Variants in KCNK16 observed in about 807,000 individuals in gnomAD.
KCNK16 encodes the protein potassium channel subfamily K member 16.
KCNK16 carries 23 observed loss-of-function variants against 23.0 expected under a neutral mutation model. The ratio of observed to expected loss-of-function variants is 1.00; its 90% CI spans 0.72 to 1.41. The LOEUF (loss-of-function observed/expected upper bound fraction) is 1.41, where lower values mean the gene tolerates loss of function less well. Ranked by LOEUF, KCNK16 falls within the 40% of genes most tolerant of loss-of-function variation. The probability of loss-of-function intolerance (pLI) is 0.00; values close to 1 mark genes in which losing one functional copy is unlikely to be tolerated. For missense variants in KCNK16, 327 were observed against 365.8 expected (o/e 0.89, Z 0.87); for synonymous variants, 145 against 153.5 (o/e 0.94, Z 0.41).
At position 39,316,209 on chromosome 6, in the gene KCNK16, C is replaced by A. The variant is rs758986054; in HGVS notation, c.*10G>T. On this transcript the variant is annotated 3_prime_UTR_variant, in exon 5 of 5. Coordinates refer to ENST00000437525, the MANE Select transcript of KCNK16 (RefSeq NM_001135106.2). ...GGATGAAAGGGGTTTCTGGGCCCCCCCCGGGGGCCTCATGCAGAGATGGGG... is the reference window on the plus strand; with the variant it reads ...GGATGAAAGGGGTTTCTGGGCCCCCACCGGGGGCCTCATGCAGAGATGGGG... 2 of 1,513,122 alleles carry A rather than the reference C, an allele frequency of 1.3e-6. No individual in the cohort carries two copies. The highest frequency in any genetic ancestry group is 2.2e-5 in the Admixed American group (1 of 44,534). The allele number at this position is 1,513,122 out of a possible 1,614,324, so 93.7% of individuals were successfully genotyped here.
chr6:39,314,903 C>T (rs1362573783), downstream of KCNK16: 13 of 1,233,470 alleles, frequency 1.1e-5, no homozygotes, highest in African/African-American at 1.7e-4. Context: ...GGAGCCTTAA[C>T]CAAGAGGCTT....
At chr6:39,322,126 T>C (rs1762535243) in intron 1 of KCNK16, among the ~76,000 whole-genome samples, 1 of 152,228 alleles carries the variant, frequency 6.6e-6, no homozygotes, top group African/African-American at 2.4e-5. Context: ...TTAAGTGACC[T>C]GTTCAAGGTC....
At chr6:39,318,557 T>C (rs1330419835) in intron 2 of KCNK16, among the ~76,000 whole-genome samples, 1 of 152,172 alleles carries the variant, frequency 6.6e-6, no homozygotes, top group Non-Finnish European at 1.5e-5. Flanking sequence ...GAAGCTTTGG[T>C]GGACAGTTCC....
chr6:39,316,398 C>T lies in KCNK16; in HGVS notation c.706G>A (p.Ala236Thr), dbSNP rs372021859. 1.7e-4 allele frequency: 274 copies of T among 1,611,256 alleles called. No individual in the cohort carries two copies. The highest frequency in any genetic ancestry group is 2.8e-4 in the Admixed American group (17 of 59,686). The part of the protein sequence containing the change: ...KHYISVYRSL[A>T]AIWILLGLAW... ...AGGCCCAGGAGGATCCAGATGGCTG[C>T]CAGGCTCCGATACACTGAGATATAA... Residue 236 changes from alanine (A) to threonine (T), a missense_variant, in exon 5 of 5, where the codon GCA (alanine) becomes ACA (threonine). By Grantham distance (58) the Ala-to-Thr change is moderately conservative. Coordinates refer to ENST00000437525, the MANE Select transcript of KCNK16 (RefSeq NM_001135106.2).
At position 39,319,068 on chromosome 6, in the gene KCNK16, C is replaced by T; in HGVS notation, c.279G>A (p.Trp93Ter). ...CAAAGAAGAAACTGCTGCCAAAGTC[C>T]CAGTTGCTGGGGTTGGTAGAGTTGC... Reference protein sequence around the residue: ...PKGNSTNPSNWDFGSSFFFAG... With the variant: ...PKGNSTNPSN The change falls in exon 2 of 5, where the codon TGG (tryptophan) becomes TGA (stop). Residue 93 changes from tryptophan to a stop codon, truncating the protein, a stop_gained. Transcript: ENST00000437525. LOFTEE classifies it high-confidence loss of function. This position sits in a 1 kb window ranked among gnomAD's most constrained non-coding sequence, Gnocchi z 4.2. The T allele has an allele frequency of 6.2e-7, 1 of 1,614,078 alleles. No individual in the cohort carries two copies. Among genetic ancestry groups the T allele is most frequent in the Non-Finnish European group, 8.5e-7 (1 of 1,180,016 alleles).
At chr6:39,322,304 C>G (rs765578676) in intron 1 of KCNK16, 24 bp downstream of exon 1, 2 of 1,602,526 alleles carry the variant, frequency 1.2e-6, no homozygotes, top group Non-Finnish European at 1.7e-6. Flanking sequence ...CTCTCCATCC[C>G]AATCCCACAT....
rs1243241478 is a variant in KCNK16 at position 39,316,228 on chromosome 6, G to C, written c.876C>G (p.Ile292Met). Residue 292 changes from isoleucine (I) to methionine (M), a missense_variant, in exon 5 of 5, where the codon ATC (isoleucine) becomes ATG (methionine). Transcript: ENST00000437525. The stretch of plus-strand genomic sequence containing the variant: ...GCCCCCCCCGGGGGCCTCATGCAGA[G>C]ATGGGGATCTTCTGAGGCCTGGGGA... ...SGLPRPQKIP[I>M]SA 4.5e-6 allele frequency: 7 copies of C among 1,545,676 alleles called. No homozygotes were observed. Among genetic ancestry groups the C allele is most frequent in the Non-Finnish European group, 6.1e-6 (7 of 1,145,434 alleles).
chr6:39,322,603 G>A lies in KCNK16; in HGVS notation c.-63C>T, dbSNP rs1762554982. The A allele has an allele frequency of 4.0e-6, 6 of 1,518,070 alleles. No homozygotes were observed. The highest frequency in any genetic ancestry group is 2.3e-4 in the Middle Eastern group (1 of 4,404). 94.0% of individuals were successfully genotyped at this position (1,518,070 alleles called of 1,614,324 possible). ...TATGGGGGAGAGGTGGGAAACAGGT[G>A]AGGAGTAAGCACCTAGGGGCCTGTG... is the stretch of plus-strand genomic sequence containing the variant. On this transcript the variant is annotated 5_prime_UTR_variant, in exon 1 of 5. Coordinates refer to ENST00000437525, the MANE Select transcript of KCNK16 (RefSeq NM_001135106.2).
chr6:39,314,775 C>T, downstream of KCNK16: 1 of 532,674 alleles, frequency 1.9e-6, no homozygotes. Flanking sequence ...TCTCCAAGGA[C>T]TTGCTGTCTG....
downstream of KCNK16, chr6:39,315,364 A>T (rs561841282): frequency 1.1e-5 from 17 of 1,551,638 alleles, no homozygotes; most frequent in Admixed American, 2.0e-5. Context: ...CTGGCTTCCC[A>T]TGGGGTGTTT....
chr6:39,314,826 T>C (rs1762248137), downstream of KCNK16: 5 of 661,026 alleles, frequency 7.6e-6, no homozygotes, highest in Middle Eastern at 4.2e-4. Flanking sequence ...ACCTCTGTCC[T>C]TTCCTTTGTA....
chr6:39,317,869 T>G lies in KCNK16; in HGVS notation c.412A>C (p.Ile138Leu). ...CCTGTGCCCAGGTGGTTGAGGAAGATCACGTTAAGCGGGATGCCCAACAGG... is the reference window on the plus strand; with the variant it reads ...CCTGTGCCCAGGTGGTTGAGGAAGAGCACGTTAAGCGGGATGCCCAACAGG... ...YALLGIPLNV[I>L]FLNHLGTGLR... The change falls in exon 3 of 5, where the codon ATC (isoleucine) becomes CTC (leucine). Residue 138 changes from isoleucine to leucine, a missense_variant. Coordinates refer to ENST00000437525, the MANE Select transcript of KCNK16 (RefSeq NM_001135106.2). 1 of 1,613,868 alleles carries G rather than the reference T, an allele frequency of 6.2e-7. No individual in the cohort carries two copies. Among genetic ancestry groups the G allele is most frequent in the Non-Finnish European group, 8.5e-7 (1 of 1,179,892 alleles).
At chr6:39,321,021 C>T (rs1762496704) in intron 1 of KCNK16, among the ~76,000 whole-genome samples, 1 of 152,180 alleles carries the variant, frequency 6.6e-6, no homozygotes, top group Non-Finnish European at 1.5e-5. Flanking sequence ...TCTCTCACAG[C>T]TACAGAATGT....
chr6:39,320,112 C>T (rs1762462469), intron 1 of KCNK16, among the ~76,000 whole-genome samples: 2 of 152,194 alleles, frequency 1.3e-5, no homozygotes, highest in Admixed American at 6.5e-5. Context: ...CTTCCAATTC[C>T]TATGGGAACC....
rs532663908 is a variant in KCNK16, at chr6:39,316,203, GC to G, written c.*15del. 172 of 1,496,580 alleles carry G rather than the reference GC, an allele frequency of 1.1e-4. No individual in the cohort carries two copies. The African/African-American group carries it at 1.3e-3, about 11-fold the overall frequency. The allele number at this position is 1,496,580 out of a possible 1,614,324, so 92.7% of individuals were successfully genotyped here. On this transcript the variant is annotated 3_prime_UTR_variant, in exon 5 of 5. Transcript: ENST00000437525. ...TGGGGAGGATGAAAGGGGTTTCTGG[GC>G]CCCCCCCGGGGGCCTCATGCAGAGA...
chr6:39,319,271 G>C lies in KCNK16; in HGVS notation c.214-138C>G. The C allele has an allele frequency of 4.8e-6, 3 of 629,600 alleles. No homozygotes were observed. The highest frequency in any genetic ancestry group is 8.6e-6 in the Non-Finnish European group (3 of 350,288). The allele number at this position is 629,600 out of a possible 1,614,324, so 39.0% of individuals were successfully genotyped here. A position where few individuals can be genotyped will look rare whatever the true frequency, so the allele number is the denominator to read the frequency against. On this transcript the variant is annotated intron_variant, in intron 1 of 4. Coordinates refer to ENST00000437525, the MANE Select transcript of KCNK16 (RefSeq NM_001135106.2). This position sits in a 1 kb window ranked among gnomAD's most constrained non-coding sequence, Gnocchi z 4.2. ...TAGATGATATTGTTCCCATTTCATG[G>C]AAAAAGGAAATGAAGACTCAGAGTG...
upstream of KCNK16, chr6:39,322,717 G>T: frequency 2.0e-6 from 2 of 1,000,876 alleles, no homozygotes; most frequent in Non-Finnish European, 2.8e-6. Context: ...CAGCTTGGCT[G>T]CACTAAGTGC....
chr6:39,316,581 A>C, intron 4 of KCNK16, 139 bp from the exon 5 acceptor site: 1 of 1,249,516 alleles, frequency 8.0e-7, no homozygotes. Flanking sequence ...AGGTCTCTGC[A>C]GGGTGGTGAT....
At chr6:39,315,442 C>G (rs1281433356), downstream of KCNK16, 1 of 1,543,700 alleles carries the variant, frequency 6.5e-7, no homozygotes, top group East Asian at 2.4e-5. Flanking sequence ...CTGTGAGGGT[C>G]AGGGGAGGCC....
Sources: gnomAD v4.1 joint callset for allele counts (sites outside exome capture counted in the v4.1 genomes callset) on GRCh38, gnomAD v4.1.1 for gene constraint, Gnocchi (gnomAD v3.1) non-coding constraint, MANE v1.5 for transcripts, NCBI Gene and HGNC (gene_info 2026-07-23, HGNC 2026-07-21) for gene names.